The following DBT variants were observed in gnomAD, a reference collection of about 807,000 sequenced individuals.
DBT encodes the protein lipoamide acyltransferase component of branched-chain alpha-keto acid dehydrogenase complex, mitochondrial.
DBT carries 40 observed loss-of-function variants against 51.3 expected under a neutral mutation model. The ratio of observed to expected loss-of-function variants is 0.78; its 90% CI spans 0.61 to 1.02. The LOEUF (loss-of-function observed/expected upper bound fraction) is 1.02, where lower values mean the gene tolerates loss of function less well. Ranked by LOEUF, DBT falls within the 50% of genes least tolerant of loss-of-function variation. DBT has a pLI of 0.00. For synonymous variants in DBT, 181 were observed against 190.4 expected (o/e 0.95, Z 0.41); for missense variants, 510 against 580.2 (o/e 0.88, Z 1.24).
intron 7 of DBT, 77 bp from the exon 8 acceptor site, chr1:100,210,848 TA>T: frequency 6.3e-7 from 1 of 1,591,904 alleles, no homozygotes. Context: ...ATAAGAGGTA[TA>T]AAAGGAGGGA....
At chr1:100,235,201 A>G (rs1663793345) in intron 3 of DBT, among the ~76,000 whole-genome samples, 1 of 152,202 alleles carries the variant, frequency 6.6e-6, no homozygotes. Flanking sequence ...ACTACCTGAC[A>G]GTTTTAAATC....
intron 2 of DBT, among the ~76,000 whole-genome samples, 180 bp downstream of exon 2, chr1:100,240,581 A>G (rs1664152649): frequency 6.6e-6 from 1 of 152,194 alleles, no homozygotes; most frequent in African/African-American, 2.4e-5. Context: ...AGTATGTAAA[A>G]GAGAGGGATG....
rs1662392597 is a variant in DBT at position 100,214,920 on chromosome 1, C to A, written c.836G>T (p.Cys279Phe). The A allele has an allele frequency of 4.3e-6, 7 of 1,613,106 alleles. No individual in the cohort carries two copies. In the Admixed American group the frequency reaches 1.0e-4, roughly 23 times the overall value. The change falls in exon 7 of 11, where the codon TGT (cysteine) becomes TTT (phenylalanine). Residue 279 changes from cysteine (C) to phenylalanine (F), a missense_variant. Physicochemically the swap from Cys to Phe is radical, Grantham distance 205 (BLOSUM62 -2). Coordinates refer to ENST00000370132, the MANE Select transcript of DBT (RefSeq NM_001918.5). ...AALKIPHFGY[C>F]DEIDLTELVK... ...CAGTTCAGTAAGGTCAATCTCATCACAATAACCAAAATGAGGTATCTTCAG... is the reference window on the plus strand; with the variant it reads ...CAGTTCAGTAAGGTCAATCTCATCAAAATAACCAAAATGAGGTATCTTCAG...
intron 1 of DBT, among the ~76,000 whole-genome samples, chr1:100,242,435 A>C (rs1664277979): frequency 6.6e-6 from 1 of 152,176 alleles, no homozygotes; most frequent in Non-Finnish European, 1.5e-5. Flanking sequence ...CTGATTTCTG[A>C]AGGCAAAGAA....
chr1:100,238,717 A>G (rs910182089), intron 2 of DBT, among the ~76,000 whole-genome samples: 5 of 152,176 alleles, frequency 3.3e-5, no homozygotes, highest in African/African-American at 1.2e-4. Context: ...AAGCTAGGCT[A>G]GTCTAGCTTA....
chr1:100,224,524 T>C (rs946739053), intron 4 of DBT, among the ~76,000 whole-genome samples: 1 of 152,076 alleles, frequency 6.6e-6, no homozygotes, highest in Non-Finnish European at 1.5e-5. Context: ...AGATGTGAAA[T>C]AAAACTAGCA....
intron 10 of DBT, among the ~76,000 whole-genome samples, chr1:100,203,159 G>A (rs1661555475): frequency 6.6e-6 from 1 of 152,104 alleles, no homozygotes; most frequent in Non-Finnish European, 1.5e-5. Flanking sequence ...ATGAATCCAG[G>A]AGCCGGTTTT....
chr1:100,216,634 C>T (rs554500341), intron 5 of DBT, among the ~76,000 whole-genome samples: 3 of 152,282 alleles, frequency 2.0e-5, no homozygotes, highest in South Asian at 2.1e-4. Context: ...AATTCTTACT[C>T]GACCTTTTCT....
intron 8 of DBT, among the ~76,000 whole-genome samples, chr1:100,206,866 C>T (rs1337295177): frequency 6.6e-6 from 1 of 152,138 alleles, no homozygotes; most frequent in East Asian, 1.9e-4. Flanking sequence ...GCTGGATTAC[C>T]TGAGGTCATG....
chr1:100,215,352 T>C (rs1662415935), intron 6 of DBT, among the ~76,000 whole-genome samples: 1 of 152,236 alleles, frequency 6.6e-6, no homozygotes, highest in African/African-American at 2.4e-5. Context: ...GAACTAGTTA[T>C]TTTGAAAGCT....
chr1:100,210,325 T>G (rs12120030), intron 8 of DBT, among the ~76,000 whole-genome samples: 6,044 of 143,934 alleles, frequency 0.042, 267 homozygotes, highest in African/African-American at 0.12. Flanking sequence ...ATAATAATAA[T>G]AAGAAGAAGA....
rs148238752 is a variant in DBT at position 100,248,498 on chromosome 1, C to T, written c.51+1272G>A. 2.9e-3 allele frequency among the ~76,000 whole-genome samples: 435 copies of T among 152,204 alleles called. 1 individual carries two copies. The highest frequency in any genetic ancestry group is 5.0e-3 in the Non-Finnish European group (338 of 68,018). On this transcript the variant is annotated intron_variant, in intron 1 of 10. Transcript: ENST00000370132. Reference sequence around the variant, plus strand: ...GTTGGAAGACTGGGGAACTTTAGGACTCATCAGCATAGATGGTAACTAAAG... The same window carrying T: ...GTTGGAAGACTGGGGAACTTTAGGATTCATCAGCATAGATGGTAACTAAAG...
intron 10 of DBT, among the ~76,000 whole-genome samples, chr1:100,202,866 G>A (rs904243082): frequency 7.2e-5 from 11 of 152,164 alleles, no homozygotes; most frequent in African/African-American, 2.7e-4. Flanking sequence ...AAATAAAGAT[G>A]TTCTTTGAAA....
intron 5 of DBT, among the ~76,000 whole-genome samples, chr1:100,217,679 A>G (rs1335058972): frequency 6.6e-6 from 1 of 152,244 alleles, no homozygotes; most frequent in Non-Finnish European, 1.5e-5. Context: ...TGTGGGGCAC[A>G]GTGGAAAGTA....
intron 1 of DBT, among the ~76,000 whole-genome samples, chr1:100,241,432 G>A (rs1436323626): frequency 6.6e-6 from 1 of 150,854 alleles, no homozygotes; most frequent in African/African-American, 2.5e-5. Context: ...GTCTCACTCT[G>A]TTGCCCAGGC....
Position 100,230,757 on chromosome 1 carries a change from C to A in DBT, c.409G>T (p.Asp137Tyr), listed in dbSNP as rs1463172335. The change falls in exon 4 of 11, where the codon GAC becomes TAC. Residue 137 changes from aspartate to tyrosine, a missense_variant. By Grantham distance (160) the Asp-to-Tyr change is radical. Transcript: ENST00000370132. ...CCTTTTAAAGCTTCCGTTTCTATGT[C>A]TACTAATGGCTTCCCCACATAGGCA... ...DIAYVGKPLV[D>Y]IETEALKDSE... 1.2e-6 allele frequency: 2 copies of A among 1,610,404 alleles called. No homozygotes were observed. Among genetic ancestry groups the A allele is most frequent in the African/African-American group, 1.3e-5 (1 of 74,794 alleles).
intron 3 of DBT, among the ~76,000 whole-genome samples, chr1:100,232,417 G>A (rs899634724): frequency 3.3e-5 from 5 of 152,004 alleles, no homozygotes; most frequent in African/African-American, 7.3e-5. Flanking sequence ...TGGGATAACA[G>A]GCATGAGCCA....
At chr1:100,234,085 A>G (rs1368061795) in intron 3 of DBT, among the ~76,000 whole-genome samples, 11 of 152,216 alleles carry the variant, frequency 7.2e-5, no homozygotes, top group Admixed American at 5.9e-4. Flanking sequence ...TAATTAAATG[A>G]GGAAGAAAGT....
intron 10 of DBT, among the ~76,000 whole-genome samples, chr1:100,201,899 A>G (rs544607195): frequency 1.4e-4 from 21 of 152,348 alleles, no homozygotes; most frequent in Middle Eastern, 3.4e-3. Context: ...AGAGCTCCTG[A>G]AGGAAGCACT....
Sources: allele counts gnomAD v4.1 joint callset (sites outside exome capture counted in the v4.1 genomes callset), GRCh38; gene constraint gnomAD v4.1.1; transcripts MANE v1.5; gene names NCBI Gene and HGNC (gene_info 2026-07-23, HGNC 2026-07-21).